Variants in NDFIP1 observed in about 807,000 individuals in gnomAD.
NDFIP1 encodes NEDD4 family-interacting protein 1.
Under a neutral mutation model 28.8 loss-of-function variants are expected in NDFIP1, and 7 were observed. The ratio of observed to expected loss-of-function variants is 0.24; its 90% CI spans 0.14 to 0.46. The LOEUF (loss-of-function observed/expected upper bound fraction) is 0.46. Ranked by LOEUF, NDFIP1 falls within the 20% of genes least tolerant of loss-of-function variation. NDFIP1 has a pLI of 0.99. For missense variants in NDFIP1, 194 were observed against 269.1 expected (o/e 0.72, Z 1.95); for synonymous variants, 92 against 101.0 (o/e 0.91, Z 0.53).
intron 1 of NDFIP1, among the ~76,000 whole-genome samples, chr5:142,113,225 T>G (rs1242071448): frequency 1.3e-5 from 2 of 152,162 alleles, no homozygotes; most frequent in Admixed American, 6.5e-5. Context: ...TAGTGCAGAT[T>G]TTGGAATGGT....
chr5:142,139,858 T>TTAA (rs949912016), intron 5 of NDFIP1, among the ~76,000 whole-genome samples: 80 of 152,026 alleles, frequency 5.3e-4, no homozygotes, highest in African/African-American at 1.8e-3. Context: ...TCTCTTAAAA[T>TTAA]TAATAATAAT....
chr5:142,123,454 A>G (rs1353229234), intron 1 of NDFIP1, among the ~76,000 whole-genome samples: 1 of 152,168 alleles, frequency 6.6e-6, no homozygotes, highest in African/African-American at 2.4e-5. Context: ...TCTTGAATAG[A>G]TGCCAGTTGT....
chr5:142,115,213 T>A (rs185979416), intron 1 of NDFIP1, among the ~76,000 whole-genome samples: 7 of 152,350 alleles, frequency 4.6e-5, no homozygotes, highest in Admixed American at 3.3e-4. Context: ...TTAAAATAAT[T>A]ATTTTGGTTT....
intron 7 of NDFIP1, among the ~76,000 whole-genome samples, chr5:142,149,248 CTTTTA>C (rs1359716347): frequency 6.6e-6 from 1 of 151,886 alleles, no homozygotes; most frequent in African/African-American, 2.4e-5. Flanking sequence ...CTTAATACTT[CTTTTA>C]TTTTATTAAA....
At chr5:142,118,726 A>G (rs1757094153) in intron 1 of NDFIP1, among the ~76,000 whole-genome samples, 2 of 152,220 alleles carry the variant, frequency 1.3e-5, no homozygotes, top group Non-Finnish European at 1.5e-5. Context: ...AATTTCCTGC[A>G]TGGGGCATTT....
intron 1 of NDFIP1, among the ~76,000 whole-genome samples, chr5:142,125,180 G>A (rs185099094): frequency 7.6e-4 from 115 of 152,004 alleles, no homozygotes; most frequent in Admixed American, 1.8e-3. Flanking sequence ...ATTTTTTCTG[G>A]GTGAATAATA....
chr5:142,138,090 C>A, intron 5 of NDFIP1: 1 of 396,502 alleles, frequency 2.5e-6, no homozygotes, highest in Non-Finnish European at 4.5e-6. Flanking sequence ...TATTGTTCAC[C>A]ATCTGCTTTG....
intron 1 of NDFIP1, among the ~76,000 whole-genome samples, chr5:142,131,491 CAA>C (rs1452695532): frequency 6.6e-6 from 1 of 152,062 alleles, no homozygotes; most frequent in Non-Finnish European, 1.5e-5. Flanking sequence ...GCCAGGATGG[CAA>C]AATTTAATTT....
chr5:142,150,743 AAAG>A (rs1757438834), intron 7 of NDFIP1, among the ~76,000 whole-genome samples: 1 of 151,928 alleles, frequency 6.6e-6, no homozygotes, highest in South Asian at 2.1e-4. Flanking sequence ...AAAGAAAAGA[AAAG>A]AAAGAAAAGA....
intron 1 of NDFIP1, among the ~76,000 whole-genome samples, chr5:142,129,069 C>G (rs1757199844): frequency 6.6e-6 from 1 of 152,132 alleles, no homozygotes; most frequent in African/African-American, 2.4e-5. Flanking sequence ...ACTTTGACAC[C>G]AAGCTCAGGA....
intron 1 of NDFIP1, among the ~76,000 whole-genome samples, chr5:142,124,918 C>T (rs549677040): frequency 2.0e-5 from 3 of 152,184 alleles, no homozygotes; most frequent in East Asian, 1.9e-4. Flanking sequence ...CTCCACCTCC[C>T]GGGTTCACAC....
chr5:142,142,231 C>A (rs1001179084), intron 6 of NDFIP1, among the ~76,000 whole-genome samples: 7 of 152,140 alleles, frequency 4.6e-5, no homozygotes, highest in African/African-American at 1.7e-4. Context: ...ATAAATCATT[C>A]ATCGCACCAT....
chr5:142,135,994 C>T (rs1258199476), intron 4 of NDFIP1, among the ~76,000 whole-genome samples, 177 bp downstream of exon 4: 3 of 152,170 alleles, frequency 2.0e-5, no homozygotes, highest in African/African-American at 4.8e-5. Context: ...TATCCCTTCT[C>T]TTTGCCTTCT....
Position 142,132,297 on chromosome 5 carries a change from G to C in NDFIP1, c.237G>C (p.Ala79=), listed in dbSNP as rs183578770. 1.2e-6 allele frequency: 2 copies of C among 1,614,172 alleles called. No homozygotes were observed. Among genetic ancestry groups the C allele is most frequent in the African/African-American group, 2.7e-5 (2 of 75,056 alleles). ...VATTLPSYDE[A]ERTKAEATIP... is the part of the protein sequence containing the mutation. ...CAACACTGCCCAGTTATGATGAAGC[G>C]GAGAGGACCAAGGCTGAAGCTACTA... is the stretch of plus-strand genomic sequence containing the variant. Residue 79 remains alanine, a synonymous_variant, in exon 3 of 8, where the codon GCG becomes GCC. Transcript: ENST00000253814.
chr5:142,126,990 G>A (rs1757174744), intron 1 of NDFIP1, among the ~76,000 whole-genome samples: 1 of 150,932 alleles, frequency 6.6e-6, no homozygotes. Context: ...GATAAGGAGG[G>A]AAAAAAAAAC....
At chr5:142,112,159 A>G (rs1212464641) in intron 1 of NDFIP1, among the ~76,000 whole-genome samples, 1 of 152,102 alleles carries the variant, frequency 6.6e-6, no homozygotes, top group Non-Finnish European at 1.5e-5. Context: ...CAGGCAGATC[A>G]CAAAGATCAC....
intron 1 of NDFIP1, among the ~76,000 whole-genome samples, chr5:142,131,221 A>T (rs1757223951): frequency 6.6e-6 from 1 of 151,934 alleles, no homozygotes; most frequent in African/African-American, 2.4e-5. Flanking sequence ...CCACCCACCT[A>T]GGCCTCCCAG....
intron 1 of NDFIP1, among the ~76,000 whole-genome samples, chr5:142,111,367 A>T (rs1757012664): frequency 6.6e-6 from 1 of 152,126 alleles, no homozygotes; most frequent in South Asian, 2.1e-4. Flanking sequence ...TGGCTGAATC[A>T]TAATTTAACT....
chr5:142,137,486 TA>T (rs973958513), intron 4 of NDFIP1, among the ~76,000 whole-genome samples: 5 of 152,174 alleles, frequency 3.3e-5, no homozygotes, highest in Admixed American at 3.3e-4. Context: ...CTCAGCCTAT[TA>T]AGGCGTTTTT....
Sources: gnomAD v4.1 joint callset for allele counts (sites outside exome capture counted in the v4.1 genomes callset) on GRCh38, gnomAD v4.1.1 for gene constraint, MANE v1.5 for transcripts, NCBI Gene and HGNC (gene_info 2026-07-23, HGNC 2026-07-21) for gene names.